ARG1: variants seen among roughly 807,000 people sequenced by gnomAD.
The protein encoded by ARG1 is arginase 1, also known as arginase-1.
Under a neutral mutation model 33.0 loss-of-function variants are expected in ARG1, and 20 were observed. That is an observed-to-expected ratio of 0.61 (90% CI 0.43 to 0.88). ARG1 has a LOEUF of 0.88. ARG1 is among the 40% of genes least tolerant of loss of function. The probability of loss-of-function intolerance (pLI) is 0.00; values close to 1 mark genes in which losing one functional copy is unlikely to be tolerated. For missense variants in ARG1, 374 were observed against 384.7 expected, an observed-to-expected ratio of 0.97 and a Z score of 0.23; for synonymous variants, 146 against 140.6, an observed-to-expected ratio of 1.04 and a Z score of -0.27.
chr6:131,577,197 C>T (rs569903275), intron 2 of ARG1, among the ~76,000 whole-genome samples: 8 of 152,106 alleles, frequency 5.3e-5, no homozygotes, highest in South Asian at 2.1e-4. Context: ...TGCAAATTTA[C>T]GTATATTTTT....
At chr6:131,578,173 C>G (rs1773720244) in intron 2 of ARG1, among the ~76,000 whole-genome samples, 2 of 132,380 alleles carry the variant, frequency 1.5e-5, no homozygotes, top group South Asian at 5.3e-4. Flanking sequence ...AAGAATTACA[C>G]TTCGTAAATC....
In ARG1 at chr6:131,573,300, A is replaced by G; in HGVS notation, c.18A>G (p.Arg6=). ...GTCAGAGCATGAGCGCCAAGTCCAG[A>G]ACCATAGGGATTATTGGAGCTCCTT... is the stretch of plus-strand genomic sequence containing the variant. MSAKS[R]TIGIIGAPFS... The change falls in exon 1 of 8, where the codon AGA becomes AGG. Residue 6 remains arginine, a synonymous_variant. Transcript: ENST00000368087. 1 of 1,614,106 alleles carries G rather than the reference A, an allele frequency of 6.2e-7. No homozygotes were observed. Among genetic ancestry groups the G allele is most frequent in the Non-Finnish European group, 8.5e-7 (1 of 1,179,982 alleles).
Position 131,583,555 on chromosome 6 carries a change from C to T in ARG1, c.802+64C>T, listed in dbSNP as rs1008323957. On this transcript the variant is annotated intron_variant, in intron 7 of 7. Transcript: ENST00000368087. ...ACTTGACTAATATATATTTATACCT[C>T]CTTGACCTGAAACCAAGTCCCAGCT... 5 of 1,465,982 alleles carry T rather than the reference C, an allele frequency of 3.4e-6. No homozygotes were observed. In the African/African-American group the frequency reaches 1.5e-4, roughly 43 times the overall value. The allele number at this position is 1,465,982 out of a possible 1,614,324, so 90.8% of individuals were successfully genotyped here.
At position 131,582,742 on chromosome 6, in the gene ARG1, C is replaced by T. The variant is rs1773998504; in HGVS notation, c.560+27C>T. Reference sequence around the variant, plus strand: ...TAAGCTTATTCCTTGATGTGATTTGCCTCCATTTTTGTCCCTTTGTGTGCT... The same window carrying T: ...TAAGCTTATTCCTTGATGTGATTTGTCTCCATTTTTGTCCCTTTGTGTGCT... On this transcript the variant is annotated intron_variant, in intron 5 of 7. Transcript: ENST00000368087. 3 of 1,603,990 alleles carry T rather than the reference C, an allele frequency of 1.9e-6. No individual in the cohort carries two copies. The South Asian group carries it at 3.3e-5, about 18-fold the overall frequency.
rs1774075099 is a variant in ARG1 at position 131,583,961 on chromosome 6, A to G, written c.*53A>G. ...TAGTTAATGGCATAATTAGAAAGCT[A>G]ATCATTTTCTTAAGCATAGAGTTAT... On this transcript the variant is annotated 3_prime_UTR_variant, in exon 8 of 8. Transcript: ENST00000368087. 1 of 1,588,314 alleles carries G rather than the reference A, an allele frequency of 6.3e-7. No individual in the cohort carries two copies. Among genetic ancestry groups the G allele is most frequent in the African/African-American group, 1.3e-5 (1 of 74,370 alleles).
intron 1 of ARG1, chr6:131,574,115 G>C: frequency 1.3e-6 from 1 of 756,838 alleles, no homozygotes; most frequent in South Asian, 1.5e-5. Flanking sequence ...TGTGATGACA[G>C]AACACCTTAG....
intron 1 of ARG1, chr6:131,574,064 C>CTTTTTT: frequency 1.7e-6 from 1 of 593,722 alleles, no homozygotes; most frequent in African/African-American, 1.8e-5. Context: ...ATTGAATACA[C>CTTTTTT]TTTTTTTTCT....
intron 2 of ARG1, among the ~76,000 whole-genome samples, chr6:131,578,749 G>C (rs1773759409): frequency 6.6e-6 from 1 of 152,018 alleles, no homozygotes; most frequent in Admixed American, 6.6e-5. Flanking sequence ...GCTTACTATA[G>C]AAAGGTAAAA....
At chr6:131,577,331 G>GA (rs1200101587) in intron 2 of ARG1, among the ~76,000 whole-genome samples, 14 of 152,156 alleles carry the variant, frequency 9.2e-5, no homozygotes, top group Admixed American at 9.2e-4. Context: ...CAGCCACTTT[G>GA]AAAGTAGGTG....
At chr6:131,577,420 A>G (rs1773672459) in intron 2 of ARG1, among the ~76,000 whole-genome samples, 1 of 152,160 alleles carries the variant, frequency 6.6e-6, no homozygotes. Context: ...ACAACTACAA[A>G]CATTCAAGTA....
In ARG1 at chr6:131,578,920, T is replaced by C. The variant is rs144544360; in HGVS notation, c.131-191T>C. Among the ~76,000 whole-genome samples, 627 of 152,272 alleles carry C rather than the reference T, an allele frequency of 4.1e-3. 2 individuals carry two copies. Among genetic ancestry groups the C allele is most frequent in the South Asian group, 0.018 (87 of 4,826 alleles). On this transcript the variant is annotated intron_variant, in intron 2 of 7. Coordinates refer to ENST00000368087, the MANE Select transcript of ARG1 (RefSeq NM_000045.4). ...AGCCCAGTATACAGCCGCACCAGTG[T>C]GTGATACTGGTAACATGACGTCAAG...
At chr6:131,580,510 A>G (rs1341895142) in intron 3 of ARG1, among the ~76,000 whole-genome samples, 1 of 152,204 alleles carries the variant, frequency 6.6e-6, no homozygotes, top group Non-Finnish European at 1.5e-5. Context: ...GCAGTTTTTA[A>G]ATGGCAAAAC....
At chr6:131,580,585 G>A (rs1448655220) in intron 3 of ARG1, among the ~76,000 whole-genome samples, 1 of 152,170 alleles carries the variant, frequency 6.6e-6, no homozygotes, top group Non-Finnish European at 1.5e-5. Flanking sequence ...TATCATTTAT[G>A]TCTTCCATTC....
chr6:131,577,109 C>T (rs1773653596), intron 2 of ARG1, among the ~76,000 whole-genome samples: 1 of 152,146 alleles, frequency 6.6e-6, no homozygotes, highest in Non-Finnish European at 1.5e-5. Context: ...TAAAATAAAA[C>T]AGTAATAATG....
chr6:131,581,982 CTTTGTTGATATGCCATAG>C (rs1377802180), intron 4 of ARG1, among the ~76,000 whole-genome samples: 2 of 152,176 alleles, frequency 1.3e-5, no homozygotes, highest in African/African-American at 4.8e-5. Flanking sequence ...CAGCTTATAA[CTTTGTTGATATGCCATAG>C]TTTGTTGATA....
At chr6:131,576,277 G>C (rs1773608505) in intron 1 of ARG1, among the ~76,000 whole-genome samples, 1 of 152,192 alleles carries the variant, frequency 6.6e-6, no homozygotes, top group African/African-American at 2.4e-5. Context: ...AAAGTCAAAA[G>C]CCTTTTCATT....
rs776217305 is a variant in ARG1 at position 131,573,236 on chromosome 6, G to C, written c.-47G>C. 1.2e-6 allele frequency: 2 copies of C among 1,609,732 alleles called. No homozygotes were observed. Among genetic ancestry groups the C allele is most frequent in the Middle Eastern group, 1.7e-4 (1 of 6,056 alleles). Reference sequence around the variant, plus strand: ...AAAGATGCGCCCTCTGTCACTGAGGGTTGACTGACTGGAGAGCTCAAGTGC... The same window carrying C: ...AAAGATGCGCCCTCTGTCACTGAGGCTTGACTGACTGGAGAGCTCAAGTGC... On this transcript the variant is annotated 5_prime_UTR_variant, in exon 1 of 8. Coordinates refer to ENST00000368087, the MANE Select transcript of ARG1 (RefSeq NM_000045.4).
intron 2 of ARG1, among the ~76,000 whole-genome samples, chr6:131,577,966 C>G (rs1773708544): frequency 6.6e-6 from 1 of 150,494 alleles, no homozygotes; most frequent in Non-Finnish European, 1.5e-5. Context: ...TGGTAGATCT[C>G]AAAAGCAGCA....
chr6:131,582,575 G>T (rs1203354353), intron 4 of ARG1, 46 bp from the exon 5 acceptor site: 3 of 1,446,962 alleles, frequency 2.1e-6, no homozygotes, highest in Middle Eastern at 3.5e-4. Flanking sequence ...TGTAGGATTT[G>T]TTCAAGAGAA....
Sources: gnomAD v4.1 joint callset for allele counts (sites outside exome capture counted in the v4.1 genomes callset) on GRCh38, gnomAD v4.1.1 for gene constraint, MANE v1.5 for transcripts, NCBI Gene and HGNC (gene_info 2026-07-23, HGNC 2026-07-21) for gene names.